TMEM71: variants seen among roughly 807,000 people sequenced by gnomAD.
TMEM71 encodes transmembrane protein 71.
TMEM71 carries 44 observed loss-of-function variants against 38.0 expected under a neutral mutation model. The ratio of observed to expected loss-of-function variants is 1.16; its 90% CI spans 0.91 to 1.49. The LOEUF is 1.49. Among genes scored for constraint, TMEM71 ranks in the 40% most tolerant of loss-of-function variants. The pLI is 0.00. For synonymous variants in TMEM71, 133 were observed against 122.5 expected (o/e 1.09, Z -0.56); for missense variants, 367 against 348.6 (o/e 1.05, Z -0.42).
chr8:132,743,069 C>T (rs1382103228), intron 5 of TMEM71, among the ~76,000 whole-genome samples: 1 of 152,160 alleles, frequency 6.6e-6, no homozygotes, highest in African/African-American at 2.4e-5. Flanking sequence ...TTACCTCCCA[C>T]CAGGCCCCTC....
chr8:132,773,640 A>G, the TMEM71 span, among the ~76,000 whole-genome samples: 1 of 152,198 alleles, frequency 6.6e-6, no homozygotes, highest in Admixed American at 6.5e-5. Context: ...CAGAAACTTG[A>G]ATACTGGTAC....
intron 9 of TMEM71, among the ~76,000 whole-genome samples, chr8:132,713,519 G>T (rs1826347424): frequency 6.6e-6 from 1 of 152,058 alleles, no homozygotes; most frequent in Non-Finnish European, 1.5e-5. Context: ...GAAATTCTAT[G>T]GGCATCCCAA....
chr8:132,723,510 C>A (rs908012145), intron 6 of TMEM71, among the ~76,000 whole-genome samples: 1 of 152,198 alleles, frequency 6.6e-6, no homozygotes, highest in Non-Finnish European at 1.5e-5. Flanking sequence ...AGGAAGCCTA[C>A]CTTGATTCTA....
intron 5 of TMEM71, among the ~76,000 whole-genome samples, chr8:132,735,223 A>G (rs1331060313): frequency 6.6e-6 from 1 of 152,214 alleles, no homozygotes; most frequent in East Asian, 1.9e-4. Flanking sequence ...AATGAATTGC[A>G]ACTAATGAGG....
intron 3 of TMEM71, among the ~76,000 whole-genome samples, chr8:132,755,793 G>A (rs1465438003): frequency 2.0e-5 from 3 of 152,146 alleles, no homozygotes; most frequent in Admixed American, 1.3e-4. Context: ...CACTTAGCAT[G>A]AGCCTGGCCC....
At chr8:132,770,226 T>C in the TMEM71 span, among the ~76,000 whole-genome samples, 2 of 152,256 alleles carry the variant, frequency 1.3e-5, no homozygotes, top group Non-Finnish European at 2.9e-5. Context: ...AATTCTCAGC[T>C]TTGTTGAATG....
At chr8:132,712,519 C>G (rs866411526) in intron 9 of TMEM71, among the ~76,000 whole-genome samples, 1 of 152,114 alleles carries the variant, frequency 6.6e-6, no homozygotes, top group Non-Finnish European at 1.5e-5. Context: ...TTGTGCTCCC[C>G]CTGGCTCCTG....
At chr8:132,711,239 C>G (rs565309342) in intron 9 of TMEM71, among the ~76,000 whole-genome samples, 3 of 152,142 alleles carry the variant, frequency 2.0e-5, no homozygotes, top group Non-Finnish European at 2.9e-5. Context: ...CTCAGCCCAG[C>G]GTGGTACTTA....
the TMEM71 span, among the ~76,000 whole-genome samples, chr8:132,769,526 A>C: frequency 6.6e-6 from 1 of 152,196 alleles, no homozygotes; most frequent in African/African-American, 2.4e-5. Context: ...CTAAATTAAT[A>C]TACTGAAGCC....
At chr8:132,770,358 C>T in the TMEM71 span, among the ~76,000 whole-genome samples, 10 of 152,174 alleles carry the variant, frequency 6.6e-5, no homozygotes, top group Non-Finnish European at 1.3e-4. Context: ...CCACTCATTC[C>T]CATCGCTCAG....
At chr8:132,727,424 T>C (rs1827206503) in intron 6 of TMEM71, among the ~76,000 whole-genome samples, 1 of 151,942 alleles carries the variant, frequency 6.6e-6, no homozygotes, top group Non-Finnish European at 1.5e-5. Flanking sequence ...GCCCAGCTAA[T>C]TTTTTGTATT....
At chr8:132,742,649 G>A (rs1354988422) in intron 5 of TMEM71, among the ~76,000 whole-genome samples, 1 of 152,154 alleles carries the variant, frequency 6.6e-6, no homozygotes, top group African/African-American at 2.4e-5. Context: ...TACAGTGGCT[G>A]GCACATAGCA....
At chr8:132,732,785 G>A (rs900097479) in intron 5 of TMEM71, among the ~76,000 whole-genome samples, 4 of 152,132 alleles carry the variant, frequency 2.6e-5, no homozygotes, top group Non-Finnish European at 2.9e-5. Context: ...GACAGTTTAC[G>A]TTGTCACAAC....
intron 5 of TMEM71, among the ~76,000 whole-genome samples, chr8:132,734,870 G>C (rs777905394): frequency 9.2e-5 from 14 of 152,160 alleles, no homozygotes; most frequent in Non-Finnish European, 1.8e-4. Context: ...CTTTACCTCT[G>C]TTGGGAAGAT....
intron 1 of TMEM71, among the ~76,000 whole-genome samples, chr8:132,759,796 T>C (rs1829232688): frequency 6.6e-6 from 1 of 152,216 alleles, no homozygotes; most frequent in African/African-American, 2.4e-5. Context: ...CAGCTTCAAG[T>C]TGAATATTTC....
At position 132,710,770 on chromosome 8, in the gene TMEM71, A is replaced by G; in HGVS notation, c.*197T>C. On this transcript the variant is annotated 3_prime_UTR_variant, in exon 10 of 10. Transcript: ENST00000677595. ...TGCAAAGGGAAGGCAAATTAATATT[A>G]TTTTCATGAGCATATTATAATTTTG... 1 of 601,464 alleles carries G rather than the reference A, an allele frequency of 1.7e-6. No homozygotes were observed. The highest frequency in any genetic ancestry group is 3.0e-6 in the Non-Finnish European group (1 of 337,410). The allele number at this position is 601,464 out of a possible 1,614,324, so 37.3% of individuals were successfully genotyped here. A position where few individuals can be genotyped will look rare whatever the true frequency, so the allele number is the denominator to read the frequency against.
In TMEM71 at chr8:132,747,111, T is replaced by C. The variant is rs1432258380; in HGVS notation, c.318A>G (p.Ile106Met). 1.3e-6 allele frequency: 2 copies of C among 1,593,790 alleles called. No homozygotes were observed. The highest frequency in any genetic ancestry group is 1.7e-6 in the Non-Finnish European group (2 of 1,172,310). Residue 106 changes from isoleucine (I) to methionine (M), a missense_variant, in exon 5 of 10, where the codon ATA (isoleucine) becomes ATG (methionine). Transcript: ENST00000677595. ...GGCAGATTCTCTTTTTCTTTCTAAA[T>C]ATCCTAGAGAGAAATGAAAGCATGG... is the stretch of plus-strand genomic sequence containing the variant. Reference protein sequence around the residue: ...SVMYKENLVRIFRKKKRICHS... With the variant: ...SVMYKENLVRMFRKKKRICHS...
the TMEM71 span, among the ~76,000 whole-genome samples, chr8:132,768,880 T>A: frequency 6.6e-6 from 1 of 152,272 alleles, no homozygotes; most frequent in African/African-American, 2.4e-5. Context: ...GGCCAGACAT[T>A]TAGACAAATT....
intron 9 of TMEM71, among the ~76,000 whole-genome samples, chr8:132,712,372 A>G (rs1826281213): frequency 6.6e-6 from 1 of 152,188 alleles, no homozygotes; most frequent in African/African-American, 2.4e-5. Context: ...GGGAGAGAAC[A>G]AACAATGAGC....
Sources: allele counts gnomAD v4.1 joint callset (sites outside exome capture counted in the v4.1 genomes callset), GRCh38; gene constraint gnomAD v4.1.1; transcripts MANE v1.5; gene names NCBI Gene and HGNC (gene_info 2026-07-23, HGNC 2026-07-21).